Variants in UBE2G1 observed in about 807,000 individuals in gnomAD.
UBE2G1 encodes ubiquitin conjugating enzyme E2 G1.
A neutral mutation model predicts 22.7 loss-of-function variants in UBE2G1; 5 were observed. The observed-to-expected ratio is 0.22, with a 90% CI of 0.12 to 0.46. The LOEUF is 0.46. Among genes scored for constraint, UBE2G1 ranks in the 20% least tolerant of loss-of-function variants. The pLI is 0.99. For synonymous variants in UBE2G1, 74 were observed against 67.5 expected (o/e 1.10, Z -0.47); for missense variants, 88 against 203.9 (o/e 0.43, Z 3.46).
At chr17:4,352,137 G>C (rs550074689) in intron 1 of UBE2G1, among the ~76,000 whole-genome samples, 1 of 152,288 alleles carries the variant, frequency 6.6e-6, no homozygotes, top group East Asian at 1.9e-4. Context: ...AAAATCAAAG[G>C]ATCATATGAC....
rs954250150 is a variant in UBE2G1 at position 4,271,502 on chromosome 17, G to T, written c.*1052C>A. 1.3e-5 allele frequency: 2 copies of T among 151,840 alleles called. No homozygotes were observed. The highest frequency in any genetic ancestry group is 2.9e-5 in the Non-Finnish European group (2 of 67,934). The allele number at this position is 151,840 out of a possible 1,614,324, so 9.4% of individuals were successfully genotyped here. On this transcript the variant is annotated 3_prime_UTR_variant, in exon 6 of 6. Transcript: ENST00000396981. ...ACAGAATTCCAAAATCAAATTACAT[G>T]AAAATATACATCGCAATTTCTTTGT...
chr17:4,287,356 C>A (rs1968977167), intron 4 of UBE2G1, among the ~76,000 whole-genome samples: 1 of 151,560 alleles, frequency 6.6e-6, no homozygotes, highest in African/African-American at 2.4e-5. Context: ...CCCACCTCGG[C>A]CTCCCAAACG....
intron 5 of UBE2G1, among the ~76,000 whole-genome samples, chr17:4,276,019 C>T (rs571805581): frequency 6.6e-6 from 1 of 152,262 alleles, no homozygotes; most frequent in African/African-American, 2.4e-5. Context: ...CCTTCTGTAC[C>T]CTAATTGTGC....
At chr17:4,335,620 T>A (rs1969636976) in intron 1 of UBE2G1, among the ~76,000 whole-genome samples, 1 of 152,220 alleles carries the variant, frequency 6.6e-6, no homozygotes, top group African/African-American at 2.4e-5. Flanking sequence ...CCATGTTTAA[T>A]CTATTCTAAG....
intron 1 of UBE2G1, among the ~76,000 whole-genome samples, chr17:4,339,937 CT>C (rs1423127070): frequency 6.6e-6 from 1 of 151,940 alleles, no homozygotes; most frequent in Non-Finnish European, 1.5e-5. Flanking sequence ...TCTTTTCCTT[CT>C]TTTGATGGAG....
At chr17:4,343,245 T>C (rs552932602) in intron 1 of UBE2G1, among the ~76,000 whole-genome samples, 14 of 152,250 alleles carry the variant, frequency 9.2e-5, no homozygotes, top group African/African-American at 3.4e-4. Context: ...AGTACCAACA[T>C]AAGGTAATTT....
intron 1 of UBE2G1, among the ~76,000 whole-genome samples, chr17:4,319,403 G>A (rs1969411204): frequency 6.6e-6 from 1 of 152,158 alleles, no homozygotes; most frequent in Admixed American, 6.5e-5. Context: ...ACAGTGACGT[G>A]AAGAAATACG....
intron 1 of UBE2G1, among the ~76,000 whole-genome samples, chr17:4,359,482 G>C (rs1969942769): frequency 6.6e-6 from 1 of 152,144 alleles, no homozygotes; most frequent in Middle Eastern, 3.2e-3. Flanking sequence ...TATAAAAAGA[G>C]GTATACATCT....
rs1969688517 is a variant in UBE2G1, at chr17:4,339,626, C to T, written c.46+26645G>A. Among the ~76,000 whole-genome samples the T allele has an allele frequency of 3.3e-5, 5 of 152,128 alleles. No homozygotes were observed. In the South Asian group the frequency reaches 1.0e-3, roughly 32 times the overall value. On this transcript the variant is annotated intron_variant, in intron 1 of 5. Coordinates refer to ENST00000396981, the MANE Select transcript of UBE2G1 (RefSeq NM_003342.5). Reference sequence around the variant, plus strand: ...GGCTCAAGCTCTTAACTCTTTTGGGCGGATCACCTGAGGTTGGGAGTTCGA... The same window carrying T: ...GGCTCAAGCTCTTAACTCTTTTGGGTGGATCACCTGAGGTTGGGAGTTCGA...
rs544048955 is a variant in UBE2G1 at position 4,346,484 on chromosome 17, G to C, written c.46+19787C>G. Among the ~76,000 whole-genome samples, 958 of 147,794 alleles carry C rather than the reference G, an allele frequency of 6.5e-3. 2 individuals carry two copies. Among genetic ancestry groups the C allele is most frequent in the South Asian group, 0.027 (126 of 4,664 alleles). On this transcript the variant is annotated intron_variant, in intron 1 of 5. Transcript: ENST00000396981. ...GAGTCTCGCGCTGTTGCCCAGGCTG[G>C]AGTGCAGTGGCGCGATCTCGGCTCA...
chr17:4,302,113 T>C (rs763384270), intron 2 of UBE2G1: 3 of 526,002 alleles, frequency 5.7e-6, no homozygotes, highest in Non-Finnish European at 7.7e-6. Context: ...CTCATATTTA[T>C]CATCTGTGTC....
intron 5 of UBE2G1, among the ~76,000 whole-genome samples, chr17:4,273,117 G>GT (rs1332234542): frequency 6.6e-6 from 1 of 152,108 alleles, no homozygotes; most frequent in Non-Finnish European, 1.5e-5. Flanking sequence ...TGTTGGCCTC[G>GT]TATCATCCAG....
At chr17:4,365,433 G>A (rs575070008) in intron 1 of UBE2G1, among the ~76,000 whole-genome samples, 4 of 152,330 alleles carry the variant, frequency 2.6e-5, no homozygotes, top group African/African-American at 9.6e-5. Context: ...ACGGCCGGAG[G>A]CCGGGACAAT....
At chr17:4,309,829 T>C (rs1372406387) in intron 1 of UBE2G1, among the ~76,000 whole-genome samples, 2 of 152,188 alleles carry the variant, frequency 1.3e-5, no homozygotes, top group African/African-American at 2.4e-5. Context: ...GCTCTGAAAT[T>C]AGTATACATG....
chr17:4,349,448 C>T (rs977007952), intron 1 of UBE2G1, among the ~76,000 whole-genome samples: 1 of 152,058 alleles, frequency 6.6e-6, no homozygotes, highest in Non-Finnish European at 1.5e-5. Context: ...GAACTTAAAA[C>T]AAATGGAACT....
At chr17:4,316,446 T>TA (rs1001156175) in intron 1 of UBE2G1, among the ~76,000 whole-genome samples, 2 of 152,112 alleles carry the variant, frequency 1.3e-5, no homozygotes, top group South Asian at 4.1e-4. Flanking sequence ...CCTTAAAACA[T>TA]AAAAATGCCA....
intron 3 of UBE2G1, among the ~76,000 whole-genome samples, chr17:4,291,668 T>C (rs993198963): frequency 6.6e-6 from 1 of 152,214 alleles, no homozygotes; most frequent in Non-Finnish European, 1.5e-5. Context: ...TTTTTAGGCT[T>C]AATACCTATT....
Position 4,273,875 on chromosome 17 carries a change from A to C in UBE2G1, c.*38-1359T>G, listed in dbSNP as rs183669472. On this transcript the variant is annotated intron_variant, in intron 5 of 5. Transcript: ENST00000396981. ...AGATGACTAAGAAATCAAGGGATAT[A>C]ATTTTAAATTCCTCACAGAGAAGCC... 7.5e-4 allele frequency among the ~76,000 whole-genome samples: 115 copies of C among 152,324 alleles called. 3 individuals are homozygous for C. The East Asian group carries it at 0.015, about 20-fold the overall frequency.
intron 4 of UBE2G1, among the ~76,000 whole-genome samples, chr17:4,286,896 A>T (rs1159203315): frequency 6.6e-6 from 1 of 151,858 alleles, no homozygotes; most frequent in Admixed American, 6.6e-5. Context: ...ACACAAAAAA[A>T]TTGCTGGGCG....
Sources: gnomAD v4.1 joint callset for allele counts (sites outside exome capture counted in the v4.1 genomes callset) on GRCh38, gnomAD v4.1.1 for gene constraint, MANE v1.5 for transcripts, NCBI Gene and HGNC (gene_info 2026-07-23, HGNC 2026-07-21) for gene names.